Variants in CYYR1 observed in about 807,000 individuals in gnomAD.
CYYR1 encodes cysteine and tyrosine rich 1, also known as cysteine and tyrosine-rich protein 1.
In CYYR1, 14 loss-of-function variants were observed where a neutral mutation model predicts 15.2. That is an observed-to-expected ratio of 0.92 (90% confidence interval 0.61 to 1.44). CYYR1 has a LOEUF of 1.44. Among genes scored for constraint, CYYR1 ranks in the 40% most tolerant of loss-of-function variants. The pLI is 0.00. For synonymous variants in CYYR1, 80 were observed against 77.4 expected (o/e 1.03, Z -0.18); for missense variants, 228 against 209.5 (o/e 1.09, Z -0.54).
chr21:26,506,063 C>G (rs1291010623), intron 2 of CYYR1, among the ~76,000 whole-genome samples: 1 of 152,096 alleles, frequency 6.6e-6, no homozygotes, highest in African/African-American at 2.4e-5. Context: ...ATATAGCATG[C>G]ATCCGTCATC....
intron 2 of CYYR1, among the ~76,000 whole-genome samples, chr21:26,547,793 T>C (rs1405803696): frequency 3.0e-5 from 4 of 134,414 alleles, no homozygotes; most frequent in African/African-American, 5.7e-5. Context: ...TTTTTTTTTT[T>C]CTTTTTTTGG....
chr21:26,504,224 G>GTACTTATT (rs2065523131), intron 2 of CYYR1, among the ~76,000 whole-genome samples: 1 of 150,444 alleles, frequency 6.6e-6, no homozygotes, highest in Non-Finnish European at 1.5e-5. Flanking sequence ...TCTTTGTGAT[G>GTACTTATT]TATTTATTTA....
At chr21:26,503,542 A>G (rs552576618) in intron 2 of CYYR1, 1 of 152,294 alleles carries the variant, frequency 6.6e-6, no homozygotes, top group South Asian at 2.1e-4. Flanking sequence ...TCCCTATTCC[A>G]AATTTACCAT....
At chr21:26,505,576 A>T (rs945370355) in intron 2 of CYYR1, among the ~76,000 whole-genome samples, 3 of 152,252 alleles carry the variant, frequency 2.0e-5, no homozygotes, top group Admixed American at 6.5e-5. Flanking sequence ...ACATAACCAG[A>T]GTGCCTGGAA....
At chr21:26,487,246 G>A (rs2065261412) in intron 2 of CYYR1, among the ~76,000 whole-genome samples, 1 of 151,822 alleles carries the variant, frequency 6.6e-6, no homozygotes, top group African/African-American at 2.4e-5. Context: ...AGTAACCATA[G>A]CTTCAAAAGA....
intron 2 of CYYR1, among the ~76,000 whole-genome samples, chr21:26,486,344 C>G (rs1204963133): frequency 6.6e-6 from 1 of 151,966 alleles, no homozygotes; most frequent in African/African-American, 2.4e-5. Flanking sequence ...TCATGAAGCC[C>G]TAGGTCCTGA....
intron 2 of CYYR1, among the ~76,000 whole-genome samples, chr21:26,504,624 A>G (rs1350881083): frequency 6.6e-6 from 1 of 152,232 alleles, no homozygotes; most frequent in Admixed American, 6.5e-5. Context: ...TGAAGTATCC[A>G]TCCCCTCAAG....
In CYYR1 at chr21:26,564,901, G is replaced by A. The variant is rs372226282; in HGVS notation, c.176+1365C>T. On this transcript the variant is annotated intron_variant, in intron 2 of 3. Coordinates refer to ENST00000652641, the MANE Select transcript of CYYR1 (RefSeq NM_001320768.2). The stretch of plus-strand genomic sequence containing the variant: ...TATATTTTGTTACTTTAAATACTGC[G>A]AAGTAATATGCCACTGTAAACATCA... 2,331 of 784,616 alleles carry A rather than the reference G, an allele frequency of 3.0e-3. 10 individuals are homozygous for A. Among genetic ancestry groups the A allele is most frequent in the South Asian group, 0.016 (658 of 41,324 alleles). The allele number at this position is 784,616 out of a possible 1,614,324, so 48.6% of individuals were successfully genotyped here.
At chr21:26,565,939 A>G (rs747645570) in intron 2 of CYYR1, among the ~76,000 whole-genome samples, 4 of 152,234 alleles carry the variant, frequency 2.6e-5, no homozygotes, top group African/African-American at 4.8e-5. Context: ...AGACAAAACC[A>G]TATCACTGAT....
At chr21:26,534,936 A>T (rs2065976415) in intron 2 of CYYR1, among the ~76,000 whole-genome samples, 1 of 152,192 alleles carries the variant, frequency 6.6e-6, no homozygotes, top group Non-Finnish European at 1.5e-5. Context: ...TTGCAAAGTA[A>T]ATATAACTAT....
intron 2 of CYYR1, 101 bp from the exon 3 acceptor site, chr21:26,480,530 T>G: frequency 7.8e-7 from 1 of 1,286,394 alleles, no homozygotes; most frequent in Admixed American, 2.6e-5. Context: ...TTCTTACAAA[T>G]GTTCTTAAGG....
chr21:26,544,860 T>A lies in CYYR1; in HGVS notation c.176+21406A>T, dbSNP rs530942048. On this transcript the variant is annotated intron_variant, in intron 2 of 3. Coordinates refer to ENST00000652641, the MANE Select transcript of CYYR1 (RefSeq NM_001320768.2). ...CAGCACTTTGGGAGGTTGAGGTGGA[T>A]CCTAGGAGTTCCAGACCAGCCTGGG... 2.0e-5 allele frequency among the ~76,000 whole-genome samples: 3 copies of A among 152,118 alleles called. No individual in the cohort carries two copies. The East Asian group carries it at 5.8e-4, about 29-fold the overall frequency.
rs111428052 is a variant in CYYR1 at position 26,514,522 on chromosome 21, T to C, written c.177-34093A>G. Among the ~76,000 whole-genome samples the C allele has an allele frequency of 2.6e-3, 394 of 152,370 alleles. 2 individuals carry two copies. Among genetic ancestry groups the C allele is most frequent in the African/African-American group, 9.2e-3 (383 of 41,592 alleles). ...TCATCAGAAGCAGATGCTGCTGTCA[T>C]GCTTCTTTTATTGCCTGCAGAACCA... On this transcript the variant is annotated intron_variant, in intron 2 of 3. Coordinates refer to ENST00000652641, the MANE Select transcript of CYYR1 (RefSeq NM_001320768.2).
In CYYR1 at chr21:26,468,369, T is replaced by C. The variant is rs1489534571; in HGVS notation, c.*132A>G. 1 of 736,992 alleles carries C rather than the reference T, an allele frequency of 1.4e-6. No individual in the cohort carries two copies. Among genetic ancestry groups the C allele is most frequent in the South Asian group, 1.4e-5 (1 of 69,016 alleles). The allele number at this position is 736,992 out of a possible 1,614,324, so 45.7% of individuals were successfully genotyped here. ...GAAATCCTATATCTCCTAGCAGGGA[T>C]ATTCCACCTGACACATTATCTGACC... is the stretch of plus-strand genomic sequence containing the variant. On this transcript the variant is annotated 3_prime_UTR_variant, in exon 4 of 4. Transcript: ENST00000652641.
intron 2 of CYYR1, among the ~76,000 whole-genome samples, chr21:26,515,645 C>T (rs1487250445): frequency 6.6e-6 from 1 of 152,088 alleles, no homozygotes; most frequent in Non-Finnish European, 1.5e-5. Flanking sequence ...CAGAACTGCT[C>T]TCTTTCTCCC....
chr21:26,503,050 G>A (rs2065503559), intron 2 of CYYR1, among the ~76,000 whole-genome samples: 1 of 152,144 alleles, frequency 6.6e-6, no homozygotes, highest in Non-Finnish European at 1.5e-5. Context: ...TGGAACTCAT[G>A]GTGGCCTTAA....
intron 2 of CYYR1, among the ~76,000 whole-genome samples, chr21:26,546,534 T>A (rs1448451389): frequency 2.0e-5 from 3 of 152,232 alleles, no homozygotes. Flanking sequence ...GAAGTGATTA[T>A]GACCTATGTA....
At chr21:26,532,916 T>C (rs2065950371) in intron 2 of CYYR1, among the ~76,000 whole-genome samples, 1 of 152,154 alleles carries the variant, frequency 6.6e-6, no homozygotes, top group South Asian at 2.1e-4. Flanking sequence ...TAAAATTATC[T>C]TTATGTTATG....
Position 26,557,922 on chromosome 21 carries a change from C to T in CYYR1, c.176+8344G>A, listed in dbSNP as rs1979912272. On this transcript the variant is annotated intron_variant, in intron 2 of 3. Coordinates refer to ENST00000652641, the MANE Select transcript of CYYR1 (RefSeq NM_001320768.2). The stretch of plus-strand genomic sequence containing the variant: ...TAGTTCTCAGCACACCATCCAGCCT[C>T]TTATCCAAAGCAGAAACCTCAGAAT... Among the ~76,000 whole-genome samples the T allele has an allele frequency of 2.6e-5, 4 of 152,200 alleles. No individual in the cohort carries two copies. The South Asian group carries it at 8.3e-4, about 32-fold the overall frequency.
Sources: allele counts gnomAD v4.1 joint callset (sites outside exome capture counted in the v4.1 genomes callset), GRCh38; gene constraint gnomAD v4.1.1; transcripts MANE v1.5; gene names NCBI Gene and HGNC (gene_info 2026-07-23, HGNC 2026-07-21).